The following TGFB1I1 variants were observed in gnomAD, a reference collection of about 807,000 sequenced individuals.
TGFB1I1 encodes transforming growth factor beta 1 induced transcript 1.
A neutral mutation model predicts 52.0 loss-of-function variants in TGFB1I1; 33 were observed. The observed-to-expected ratio is 0.63, with a 90% confidence interval of 0.48 to 0.85. TGFB1I1 has a LOEUF of 0.85. Among genes scored for constraint, TGFB1I1 ranks in the 40% least tolerant of loss-of-function variants. TGFB1I1 has a pLI of 0.00. For missense variants in TGFB1I1, 577 were observed against 614.9 expected (o/e 0.94, Z 0.65); for synonymous variants, 236 against 253.3 (o/e 0.93, Z 0.65).
chr16:31,474,712 G>C lies in TGFB1I1; in HGVS notation c.669G>C (p.Gln223His), dbSNP rs368897293. 1.9e-6 allele frequency: 3 copies of C among 1,612,508 alleles called. No homozygotes were observed. Among genetic ancestry groups the C allele is most frequent in the Non-Finnish European group, 2.5e-6 (3 of 1,179,610 alleles). ...SDLSRRGVPT[Q>H]AKGLCGSCNK... ...TCAGCCGCCGGGGTGTTCCCACCCA[G>C]GCCAAAGGCCTCTGTGGCTCCTGCA... The change falls in exon 7 of 11, where the codon CAG (glutamine) becomes CAC (histidine). Residue 223 changes from glutamine (Q) to histidine (H), a missense_variant. By Grantham distance (24) the Gln-to-His change is conservative. Coordinates refer to ENST00000394863, the MANE Select transcript of TGFB1I1 (RefSeq NM_001042454.3). The surrounding 1 kb of genome is among the most constrained non-coding windows in gnomAD (Gnocchi z 4.2).
chr16:31,474,643 C>G lies in TGFB1I1; in HGVS notation c.600C>G (p.Gly200=). The change falls in exon 7 of 11, where the codon GGC becomes GGG. Residue 200 remains glycine (G), a synonymous_variant. Transcript: ENST00000394863. The surrounding 1 kb of genome is among the most constrained non-coding windows in gnomAD (Gnocchi z 4.2). Reference sequence around the variant, plus strand: ...CCCCATCCCCACCAGAGCCGACTGGCAAGGGCAGCCTAGACACCATGCTGG... The same window carrying G: ...CCCCATCCCCACCAGAGCCGACTGGGAAGGGCAGCCTAGACACCATGCTGG... ...EGSPSPPEPT[G]KGSLDTMLGL... 2.5e-6 allele frequency: 4 copies of G among 1,613,096 alleles called. No individual in the cohort carries two copies. The highest frequency in any genetic ancestry group is 3.4e-6 in the Non-Finnish European group (4 of 1,179,560).
Position 31,477,301 on chromosome 16 carries a change from C to T in TGFB1I1, c.1120-9C>T, listed in dbSNP as rs777687777. 45 of 1,597,064 alleles carry T rather than the reference C, an allele frequency of 2.8e-5. No individual in the cohort carries two copies. Among genetic ancestry groups the T allele is most frequent in the Non-Finnish European group, 2.7e-5 (31 of 1,169,376 alleles). On this transcript the variant is annotated splice_polypyrimidine_tract_variant and intron_variant, in intron 10 of 10. Coordinates refer to ENST00000394863, the MANE Select transcript of TGFB1I1 (RefSeq NM_001042454.3). This position sits in a 1 kb window ranked among gnomAD's most constrained non-coding sequence, Gnocchi z 4.7. ...CTGTCTGTCCTCTTTCGCGGCTTCC[C>T]TTCCCCAGGAATGCTTCGCGCCCTT...
At chr16:31,472,371 C>A in intron 1 of TGFB1I1, 170 bp downstream of exon 1, 1 of 1,191,328 alleles carries the variant, frequency 8.4e-7, no homozygotes, top group Non-Finnish European at 1.1e-6. Flanking sequence ...TCCCTTCCTG[C>A]CTTTCCTGGG....
chr16:31,477,500 C>G lies in TGFB1I1; in HGVS notation c.1310C>G (p.Pro437Arg), dbSNP rs1225123394. 25 of 1,608,982 alleles carry G rather than the reference C, an allele frequency of 1.6e-5. No homozygotes were observed. The highest frequency in any genetic ancestry group is 3.4e-5 in the Admixed American group (2 of 59,614). ...DHFTCTFCLR[P>R]LTKGSFQERA... ...TTCACATGCACCTTCTGCCTGCGCC[C>G]GCTCACCAAGGGGTCCTTCCAGGAG... The change falls in exon 11 of 11, where the codon CCG (proline) becomes CGG (arginine). Residue 437 changes from proline to arginine, a missense_variant. Physicochemically the swap from Pro to Arg is moderately radical, Grantham distance 103 (BLOSUM62 -2). This residue lies in a region of TGFB1I1 where 456 missense variants were observed against 461.6 expected (regional missense o/e 0.99). Transcript: ENST00000394863. The surrounding 1 kb of genome is among the most constrained non-coding windows in gnomAD (Gnocchi z 4.7).
intron 1 of TGFB1I1, chr16:31,473,116 G>A: frequency 1.1e-6 from 1 of 869,774 alleles, no homozygotes; most frequent in South Asian, 3.1e-5. Context: ...GAAAGCTGAG[G>A]GCCAGGCACT....
In TGFB1I1 at chr16:31,477,764, A is replaced by T. The variant is rs1411040007; in HGVS notation, c.*188A>T. On this transcript the variant is annotated 3_prime_UTR_variant, in exon 11 of 11. Transcript: ENST00000394863. This position sits in a 1 kb window ranked among gnomAD's most constrained non-coding sequence, Gnocchi z 4.7. ...CAGCCAGACCTAAACCCACACGCCC[A>T]CAAAGTGGATTGCACACAGACAAGA... 1.6e-5 allele frequency: 12 copies of T among 736,130 alleles called. No individual in the cohort carries two copies. The highest frequency in any genetic ancestry group is 1.9e-5 in the Non-Finnish European group (9 of 469,788). The allele number at this position is 736,130 out of a possible 1,614,324, so 45.6% of individuals were successfully genotyped here. A position where few individuals can be genotyped will look rare whatever the true frequency, so the allele number is the denominator to read the frequency against.
intron 1 of TGFB1I1, 22 bp from the exon 2 acceptor site, chr16:31,473,418 TC>T: frequency 1.2e-6 from 2 of 1,604,632 alleles, no homozygotes; most frequent in Non-Finnish European, 8.5e-7. Flanking sequence ...CTTGTCTCTC[TC>T]CCTGATGGCC....
In TGFB1I1 at chr16:31,474,352, C is replaced by T. The variant is rs777159735; in HGVS notation, c.416C>T (p.Pro139Leu). Residue 139 changes from proline (P) to leucine (L), a missense_variant and splice_region_variant, in exon 6 of 11, where the codon CCT becomes CTT. Physicochemically the swap from Pro to Leu is moderately conservative, Grantham distance 98. Coordinates refer to ENST00000394863, the MANE Select transcript of TGFB1I1 (RefSeq NM_001042454.3). The surrounding 1 kb of genome is among the most constrained non-coding windows in gnomAD (Gnocchi z 4.2). ...TGACACAAGCATGTTCTTCACAGCC[C>T]TTCCAGCCCGTCTCCTGGCCTCCCA... is the stretch of plus-strand genomic sequence containing the variant. Reference protein sequence around the residue: ...QSEDKKRPSLPSSPSPGLPKA... With the variant: ...QSEDKKRPSLLSSPSPGLPKA... The T allele has an allele frequency of 2.5e-6, 4 of 1,614,068 alleles. No individual in the cohort carries two copies. Among genetic ancestry groups the T allele is most frequent in the Non-Finnish European group, 3.4e-6 (4 of 1,180,050 alleles).
Position 31,473,431 on chromosome 16 carries a change from C to T in TGFB1I1, c.14-10C>T. On this transcript the variant is annotated splice_polypyrimidine_tract_variant and intron_variant, in intron 1 of 10. Coordinates refer to ENST00000394863, the MANE Select transcript of TGFB1I1 (RefSeq NM_001042454.3). ...CCCTTGTCTCTCTCCCTGATGGCCT[C>T]TTCCTGCAGATGCCCTGCTCTCTGA... 3 of 1,611,850 alleles carry T rather than the reference C, an allele frequency of 1.9e-6. No individual in the cohort carries two copies. Among genetic ancestry groups the T allele is most frequent in the Non-Finnish European group, 2.5e-6 (3 of 1,178,516 alleles).
In TGFB1I1 at chr16:31,473,506, C is replaced by T. The variant is rs747679972; in HGVS notation, c.79C>T (p.Arg27Cys). 5.0e-6 allele frequency: 8 copies of T among 1,613,682 alleles called. No individual in the cohort carries two copies. The highest frequency in any genetic ancestry group is 2.7e-5 in the African/African-American group (2 of 74,922). Reference sequence around the variant, plus strand: ...GCCAAGGTCAGGGGCTCCCAAAGAGCGCCCTGCGGAGCCTCTCACCCCTCC... The same window carrying T: ...GCCAAGGTCAGGGGCTCCCAAAGAGTGCCCTGCGGAGCCTCTCACCCCTCC... ...HMPRSGAPKE[R>C]PAEPLTPPPS... The change falls in exon 2 of 11, where the codon CGC becomes TGC. Residue 27 changes from arginine (R) to cysteine (C), a missense_variant. Coordinates refer to ENST00000394863, the MANE Select transcript of TGFB1I1 (RefSeq NM_001042454.3).
At chr16:31,472,798 G>C (rs1319489787) in intron 1 of TGFB1I1, 1 of 152,518 alleles carries the variant, frequency 6.6e-6, no homozygotes, top group African/African-American at 2.4e-5. Context: ...GGGGATGCAG[G>C]GATGGAGAGA....
chr16:31,472,450 G>A (rs1400841380), intron 1 of TGFB1I1: 1 of 721,032 alleles, frequency 1.4e-6, no homozygotes, highest in African/African-American at 1.8e-5. Context: ...GGAACGGGAG[G>A]TGCGGCGCCC....
intron 7 of TGFB1I1, chr16:31,475,531 A>T (rs1038887059): frequency 6.5e-6 from 1 of 153,502 alleles, no homozygotes; most frequent in African/African-American, 2.4e-5. Flanking sequence ...GGCTCAAGTG[A>T]TCCTCCCAGC....
chr16:31,473,786 A>ATT, intron 3 of TGFB1I1, 49 bp from the exon 4 acceptor site: 1 of 1,602,006 alleles, frequency 6.2e-7, no homozygotes, highest in Non-Finnish European at 8.5e-7. Flanking sequence ...TCAGGTGAGG[A>ATT]GGCTTGGATT....
Position 31,474,785 on chromosome 16 carries a change from C to A in TGFB1I1, c.714+28C>A. The A allele has an allele frequency of 6.3e-7, 1 of 1,582,588 alleles. No homozygotes were observed. The highest frequency in any genetic ancestry group is 1.1e-5 in the South Asian group (1 of 87,506). ...AAGTGGAGCCTTGTGAGAAGGGAGG[C>A]AGAGACCTGTCACAGACCCATCTTT... On this transcript the variant is annotated intron_variant, in intron 7 of 10. Coordinates refer to ENST00000394863, the MANE Select transcript of TGFB1I1 (RefSeq NM_001042454.3). This position sits in a 1 kb window ranked among gnomAD's most constrained non-coding sequence, Gnocchi z 4.2.
At position 31,477,528 on chromosome 16, in the gene TGFB1I1, C is replaced by A. The variant is rs746159490; in HGVS notation, c.1338C>A (p.Arg446=). 1.9e-6 allele frequency: 3 copies of A among 1,609,526 alleles called. No homozygotes were observed. Among genetic ancestry groups the A allele is most frequent in the Non-Finnish European group, 8.5e-7 (1 of 1,178,658 alleles). The part of the protein sequence containing the change: ...RPLTKGSFQE[R]AGKPYCQPCF... ...TCACCAAGGGGTCCTTCCAGGAGCGCGCCGGCAAGCCCTACTGCCAGCCCT... is the reference window on the plus strand; with the variant it reads ...TCACCAAGGGGTCCTTCCAGGAGCGAGCCGGCAAGCCCTACTGCCAGCCCT... The change falls in exon 11 of 11, where the codon CGC becomes CGA. Residue 446 remains arginine, a synonymous_variant. Transcript: ENST00000394863. This position sits in a 1 kb window ranked among gnomAD's most constrained non-coding sequence, Gnocchi z 4.7.
chr16:31,476,373 T>C lies in TGFB1I1; in HGVS notation c.889-108T>C. The C allele has an allele frequency of 7.8e-7, 1 of 1,275,734 alleles. No individual in the cohort carries two copies. The highest frequency in any genetic ancestry group is 2.1e-5 in the Admixed American group (1 of 46,570). The allele number at this position is 1,275,734 out of a possible 1,614,324, so 79.0% of individuals were successfully genotyped here. Reference sequence around the variant, plus strand: ...GACCCCCACGTTCCTAGTTAGATCTTCTCCCCCTCCCCCCACGCATGCCTT... The same window carrying C: ...GACCCCCACGTTCCTAGTTAGATCTCCTCCCCCTCCCCCCACGCATGCCTT... On this transcript the variant is annotated intron_variant, in intron 8 of 10. Transcript: ENST00000394863. The surrounding 1 kb of genome is among the most constrained non-coding windows in gnomAD (Gnocchi z 7.6).
rs1313349606 is a variant in TGFB1I1 at position 31,473,530 on chromosome 16, C to T, written c.103C>T (p.Pro35Ser). Residue 35 changes from proline to serine, a missense_variant, in exon 2 of 11, where the codon CCC becomes TCC. Physicochemically the swap from Pro to Ser is moderately conservative, Grantham distance 74. Coordinates refer to ENST00000394863, the MANE Select transcript of TGFB1I1 (RefSeq NM_001042454.3). Reference protein sequence around the residue: ...KERPAEPLTPPPSYGHQPQTG... With the variant: ...KERPAEPLTPSPSYGHQPQTG... ...GCGCCCTGCGGAGCCTCTCACCCCT[C>T]CCCCATCCTATGGCCACCAGCCACA... The T allele has an allele frequency of 1.9e-6, 3 of 1,613,830 alleles. No homozygotes were observed. Among genetic ancestry groups the T allele is most frequent in the South Asian group, 2.2e-5 (2 of 91,084 alleles).
Position 31,474,696 on chromosome 16 carries a change from G to A in TGFB1I1, c.653G>A (p.Arg218Gln), listed in dbSNP as rs771480843. 4 of 1,612,744 alleles carry A rather than the reference G, an allele frequency of 2.5e-6. No homozygotes were observed. Among genetic ancestry groups the A allele is most frequent in the African/African-American group, 1.3e-5 (1 of 74,926 alleles). The part of the protein sequence containing the change: ...LGLLQSDLSR[R>Q]GVPTQAKGLC... Reference sequence around the variant, plus strand: ...CTGCTGCAGTCCGACCTCAGCCGCCGGGGTGTTCCCACCCAGGCCAAAGGC... The same window carrying A: ...CTGCTGCAGTCCGACCTCAGCCGCCAGGGTGTTCCCACCCAGGCCAAAGGC... The change falls in exon 7 of 11, where the codon CGG (arginine) becomes CAG (glutamine). Residue 218 changes from arginine (R) to glutamine (Q), a missense_variant. Physicochemically the swap from Arg to Gln is conservative, Grantham distance 43. Coordinates refer to ENST00000394863, the MANE Select transcript of TGFB1I1 (RefSeq NM_001042454.3). The surrounding 1 kb of genome is among the most constrained non-coding windows in gnomAD (Gnocchi z 4.2).
Sources: allele counts gnomAD v4.1 joint callset, GRCh38; gene constraint gnomAD v4.1.1; regional missense constraint gnomAD v4.1.1; non-coding constraint Gnocchi (gnomAD v3.1); transcripts MANE v1.5; gene names NCBI Gene and HGNC (gene_info 2026-07-23, HGNC 2026-07-21).